Variants in MAPK8 observed in about 807,000 individuals in gnomAD.
MAPK8 encodes JUN N-terminal kinase.
In MAPK8, 13 loss-of-function variants were observed where a neutral mutation model predicts 52.9. The ratio of observed to expected loss-of-function variants is 0.25; its 90% CI spans 0.16 to 0.39. MAPK8 has a LOEUF of 0.39. Among genes scored for constraint, MAPK8 ranks in the 10% least tolerant of loss-of-function variants. The probability of loss-of-function intolerance (pLI) is 1.00; values close to 1 mark genes in which losing one functional copy is unlikely to be tolerated. For synonymous variants in MAPK8, 191 were observed against 169.8 expected (o/e 1.12, Z -0.97); for missense variants, 300 against 519.2 (o/e 0.58, Z 4.10).
intron 1 of MAPK8, among the ~76,000 whole-genome samples, chr10:48,359,721 A>C (rs1847342980): frequency 6.6e-6 from 1 of 152,216 alleles, no homozygotes; most frequent in Admixed American, 6.5e-5. Flanking sequence ...ATGAAAAAAA[A>C]TAAATTGGAT....
At chr10:48,427,854 T>A (rs887633005) in intron 10 of MAPK8, among the ~76,000 whole-genome samples, 2 of 152,228 alleles carry the variant, frequency 1.3e-5, no homozygotes, top group Non-Finnish European at 2.9e-5. Context: ...CTTTAATAAC[T>A]GGTTAGTGTT....
At chr10:48,344,295 AGAT>A (rs1845565824) in intron 1 of MAPK8, among the ~76,000 whole-genome samples, 1 of 152,222 alleles carries the variant, frequency 6.6e-6, no homozygotes, top group Non-Finnish European at 1.5e-5. Context: ...AAACCTGCAC[AGAT>A]TTTGTCAGCT....
At chr10:48,388,949 A>G (rs988085317) in intron 1 of MAPK8, among the ~76,000 whole-genome samples, 2 of 152,172 alleles carry the variant, frequency 1.3e-5, no homozygotes, top group East Asian at 3.9e-4. Context: ...CCGGAGAGAC[A>G]TAAATGGCTA....
At chr10:48,416,898 T>G (rs2043094667) in intron 5 of MAPK8, among the ~76,000 whole-genome samples, 1 of 152,210 alleles carries the variant, frequency 6.6e-6, no homozygotes, top group Non-Finnish European at 1.5e-5. Context: ...AAGAATGTAT[T>G]TTCCTTGAGG....
At chr10:48,319,909 G>A (rs1423509402) in intron 1 of MAPK8, among the ~76,000 whole-genome samples, 1 of 149,268 alleles carries the variant, frequency 6.7e-6, no homozygotes, top group Non-Finnish European at 1.5e-5. Flanking sequence ...CTTCGTTTCT[G>A]TTTTTTTTTC....
chr10:48,353,323 CT>C (rs1846522010), intron 1 of MAPK8, among the ~76,000 whole-genome samples: 1 of 152,158 alleles, frequency 6.6e-6, no homozygotes, highest in African/African-American at 2.4e-5. Context: ...AGGAAACACT[CT>C]ATACTCAATT....
rs1847426739 is a variant in MAPK8 at position 48,360,577 on chromosome 10, TTAGA to T, written c.-49-41032_-49-41029del. On this transcript the variant is annotated intron_variant, in intron 1 of 11. Transcript: ENST00000374189. ...AGCCTAAATATCCCTCAGTAGTAGA[TTAGA>T]TAAACTGTGGTATATTCATGTAGTG... Among the ~76,000 whole-genome samples the T allele has an allele frequency of 2.6e-5, 4 of 152,232 alleles. No homozygotes were observed. In the South Asian group the frequency reaches 8.3e-4, roughly 32 times the overall value.
At chr10:48,376,619 A>G (rs909239441) in intron 1 of MAPK8, among the ~76,000 whole-genome samples, 9 of 152,346 alleles carry the variant, frequency 5.9e-5, no homozygotes, top group African/African-American at 2.2e-4. Context: ...GCCAACAAAC[A>G]TATGAAAAAA....
intron 1 of MAPK8, among the ~76,000 whole-genome samples, chr10:48,355,370 G>C (rs1458990475): frequency 6.6e-6 from 1 of 151,816 alleles, no homozygotes; most frequent in Non-Finnish European, 1.5e-5. Flanking sequence ...TTAGCCGGGT[G>C]TAGTGGCGGG....
intron 1 of MAPK8, among the ~76,000 whole-genome samples, chr10:48,350,322 A>C (rs781130529): frequency 6.6e-6 from 1 of 152,160 alleles, no homozygotes; most frequent in Non-Finnish European, 1.5e-5. Flanking sequence ...CAAAAAAAGA[A>C]AATTTCAGGC....
chr10:48,406,665 T>C (rs941608598), intron 3 of MAPK8, among the ~76,000 whole-genome samples: 1 of 152,220 alleles, frequency 6.6e-6, no homozygotes, highest in Non-Finnish European at 1.5e-5. Flanking sequence ...ATGGATGTTT[T>C]TGTAGTGTTT....
intron 1 of MAPK8, among the ~76,000 whole-genome samples, chr10:48,322,065 G>C (rs1201544406): frequency 5.3e-5 from 8 of 152,136 alleles, no homozygotes; most frequent in African/African-American, 1.9e-4. Context: ...TCCCTCTCAG[G>C]TAATATACAG....
At chr10:48,318,693 G>T (rs1842722450) in intron 1 of MAPK8, among the ~76,000 whole-genome samples, 1 of 152,088 alleles carries the variant, frequency 6.6e-6, no homozygotes, top group African/African-American at 2.4e-5. Context: ...AAGAGTCTGA[G>T]GTATTAAAAA....
At chr10:48,434,121 T>C (rs1354100865) in intron 11 of MAPK8, among the ~76,000 whole-genome samples, 1 of 152,202 alleles carries the variant, frequency 6.6e-6, no homozygotes, top group Non-Finnish European at 1.5e-5. Context: ...TGTTAACTTT[T>C]TAAAATCCAG....
At chr10:48,312,105 C>G (rs1047780537) in intron 1 of MAPK8, among the ~76,000 whole-genome samples, 2 of 152,226 alleles carry the variant, frequency 1.3e-5, no homozygotes, top group Admixed American at 6.5e-5. Context: ...CCAAACCTTA[C>G]ATCTCTTGCC....
intron 1 of MAPK8, among the ~76,000 whole-genome samples, chr10:48,346,366 T>C (rs1209363048): frequency 6.6e-6 from 1 of 152,080 alleles, no homozygotes; most frequent in Non-Finnish European, 1.5e-5. Flanking sequence ...GGGGACATAG[T>C]GAGGTGTGAC....
At chr10:48,399,303 A>G (rs2042041167) in intron 1 of MAPK8, among the ~76,000 whole-genome samples, 1 of 152,212 alleles carries the variant, frequency 6.6e-6, no homozygotes, top group South Asian at 2.1e-4. Context: ...TGCTTAAATC[A>G]GGTTTGAATA....
Position 48,435,049 on chromosome 10 carries a change from G to T in MAPK8, c.*20G>T, listed in dbSNP as rs1035626313. On this transcript the variant is annotated 3_prime_UTR_variant, in exon 12 of 12. Coordinates refer to ENST00000374189, the MANE Select transcript of MAPK8 (RefSeq NM_001323329.2). ...AGATGACTACTTGGGCCATCGGGGG[G>T]TGGGAGGGATGGGGAGTCGGTTAGT... 5 of 1,463,176 alleles carry T rather than the reference G, an allele frequency of 3.4e-6. No individual in the cohort carries two copies. Among genetic ancestry groups the T allele is most frequent in the African/African-American group, 2.9e-5 (2 of 69,868 alleles). 90.6% of individuals were successfully genotyped at this position (1,463,176 alleles called of 1,614,324 possible).
intron 1 of MAPK8, among the ~76,000 whole-genome samples, chr10:48,357,334 C>G (rs937994045): frequency 6.6e-6 from 1 of 152,194 alleles, no homozygotes; most frequent in Non-Finnish European, 1.5e-5. Context: ...ATAGTAAATG[C>G]CGCTATCTTT....
Sources: gnomAD v4.1 joint callset for allele counts (sites outside exome capture counted in the v4.1 genomes callset) on GRCh38, gnomAD v4.1.1 for gene constraint, MANE v1.5 for transcripts, NCBI Gene and HGNC (gene_info 2026-07-23, HGNC 2026-07-21) for gene names.